Variants in PHC3 observed in about 807,000 individuals in gnomAD.
PHC3 encodes polyhomeotic-like protein 3.
Under a neutral mutation model 107.4 loss-of-function variants are expected in PHC3, and 13 were observed. The ratio of observed to expected loss-of-function variants is 0.12; its 90% CI spans 0.08 to 0.19. The LOEUF (loss-of-function observed/expected upper bound fraction) is 0.19. Ranked by LOEUF, PHC3 falls within the 10% of genes least tolerant of loss-of-function variation. The probability of loss-of-function intolerance (pLI) is 1.00; values close to 1 mark genes in which losing one functional copy is unlikely to be tolerated. For synonymous variants in PHC3, 456 were observed against 427.4 expected (o/e 1.07, Z -0.83); for missense variants, 992 against 1,210.9 (o/e 0.82, Z 2.68).
At chr3:170,100,158 A>C (rs937551566) in intron 14 of PHC3, among the ~76,000 whole-genome samples, 1 of 152,186 alleles carries the variant, frequency 6.6e-6, no homozygotes, top group Admixed American at 6.5e-5. Flanking sequence ...GTAAATATAA[A>C]TGCCCTGGTT....
intron 11 of PHC3, among the ~76,000 whole-genome samples, chr3:170,112,972 A>G (rs531318805): frequency 2.0e-5 from 3 of 152,266 alleles, no homozygotes; most frequent in Admixed American, 6.5e-5. Context: ...GTCTGAAACG[A>G]AACAACCCAG....
chr3:170,136,316 T>C (rs773534198), intron 7 of PHC3, 103 bp downstream of exon 7: 5 of 1,365,438 alleles, frequency 3.7e-6, no homozygotes, highest in Non-Finnish European at 5.0e-6. Flanking sequence ...TTTAAAATGT[T>C]TTAAAGGTGT....
At chr3:170,159,022 C>T (rs566913558) in intron 4 of PHC3, among the ~76,000 whole-genome samples, 4 of 151,784 alleles carry the variant, frequency 2.6e-5, no homozygotes, top group Admixed American at 6.6e-5. Context: ...GAGGCCAAGG[C>T]GGGCAGATCA....
chr3:170,136,602 G>A lies in PHC3; in HGVS notation c.736C>T (p.Pro246Ser). The A allele has an allele frequency of 6.2e-7, 1 of 1,613,650 alleles. No individual in the cohort carries two copies. Among genetic ancestry groups the A allele is most frequent in the Non-Finnish European group, 8.5e-7 (1 of 1,179,768 alleles). Reference protein sequence around the residue: ...GVLSSSQNGPPKSTSQTQSLT... With the variant: ...GVLSSSQNGPSKSTSQTQSLT... Reference sequence around the variant, plus strand: ...GACTGAGTTTGACTAGTGCTTTTTGGTGGACCATTCTGTGAGCTAGATAAT... The same window carrying A: ...GACTGAGTTTGACTAGTGCTTTTTGATGGACCATTCTGTGAGCTAGATAAT... The change falls in exon 7 of 15, where the codon CCA becomes TCA. Residue 246 changes from proline to serine, a missense_variant. This residue lies in a region of PHC3 where 543 missense variants were observed against 590.8 expected (regional missense o/e 0.92). Transcript: ENST00000495893.
chr3:170,138,495 G>A (rs1201032771), intron 6 of PHC3, among the ~76,000 whole-genome samples: 1 of 152,024 alleles, frequency 6.6e-6, no homozygotes, highest in South Asian at 2.1e-4. Context: ...TTTGAGAGCA[G>A]CCTGGCCTAT....
At chr3:170,114,296 A>C (rs989919048) in intron 10 of PHC3, among the ~76,000 whole-genome samples, 1 of 152,226 alleles carries the variant, frequency 6.6e-6, no homozygotes, top group African/African-American at 2.4e-5. Context: ...GGCGTGAGCC[A>C]CTGCGCCCGG....
intron 6 of PHC3, among the ~76,000 whole-genome samples, chr3:170,140,293 A>T (rs1370916720): frequency 6.6e-6 from 1 of 151,304 alleles, no homozygotes; most frequent in African/African-American, 2.4e-5. Context: ...ACAGAGTCTC[A>T]CTCAGGCTAG....
At chr3:170,169,134 A>G (rs569635254) in intron 4 of PHC3, among the ~76,000 whole-genome samples, 1 of 152,264 alleles carries the variant, frequency 6.6e-6, no homozygotes, top group Admixed American at 6.5e-5. Context: ...GTAGGTACAC[A>G]GTTCCCCCAG....
rs1714718816 is a variant in PHC3 at position 170,097,050 on chromosome 3, T to C, written c.*180A>G. 1 of 497,448 alleles carries C rather than the reference T, an allele frequency of 2.0e-6. No homozygotes were observed. Among genetic ancestry groups the C allele is most frequent in the Non-Finnish European group, 3.4e-6 (1 of 294,970 alleles). The allele number at this position is 497,448 out of a possible 1,614,324, so 30.8% of individuals were successfully genotyped here. ...TAATTTTACCAATGTTTATTAATTA[T>C]GAAAATGCATGATGAATTATTATAC... is the stretch of plus-strand genomic sequence containing the variant. On this transcript the variant is annotated 3_prime_UTR_variant, in exon 15 of 15. Coordinates refer to ENST00000495893, the MANE Select transcript of PHC3 (RefSeq NM_024947.4). This position sits in a 1 kb window ranked among gnomAD's most constrained non-coding sequence, Gnocchi z 4.1.
Position 170,092,260 on chromosome 3 carries a change from A to C in PHC3, c.*4970T>G, listed in dbSNP as rs1714181859. 1 of 152,274 alleles carries C rather than the reference A, an allele frequency of 6.6e-6. No individual in the cohort carries two copies. Among genetic ancestry groups the C allele is most frequent in the Admixed American group, 6.5e-5 (1 of 15,278 alleles). The allele number at this position is 152,274 out of a possible 1,614,324, so 9.4% of individuals were successfully genotyped here. A position where few individuals can be genotyped will look rare whatever the true frequency, so the allele number is the denominator to read the frequency against. On this transcript the variant is annotated 3_prime_UTR_variant, in exon 15 of 15. Coordinates refer to ENST00000495893, the MANE Select transcript of PHC3 (RefSeq NM_024947.4). ...GGTGATCTACCCACCTCAGCCTCCCAAAGTGCTGGGATTACAGGTGTGAGC... is the reference window on the plus strand; with the variant it reads ...GGTGATCTACCCACCTCAGCCTCCCCAAGTGCTGGGATTACAGGTGTGAGC...
At chr3:170,143,271 G>C (rs1478821597) in intron 6 of PHC3, among the ~76,000 whole-genome samples, 3 of 151,950 alleles carry the variant, frequency 2.0e-5, no homozygotes, top group Admixed American at 2.0e-4. Flanking sequence ...AAAGTTTAGA[G>C]CTGAAAAATC....
At chr3:170,165,481 A>T (rs566863744) in intron 4 of PHC3, among the ~76,000 whole-genome samples, 1 of 152,206 alleles carries the variant, frequency 6.6e-6, no homozygotes, top group East Asian at 1.9e-4. Context: ...GGCTGGGCAC[A>T]GTGGCTCATG....
intron 4 of PHC3, among the ~76,000 whole-genome samples, chr3:170,155,808 A>G (rs541666441): frequency 6.6e-6 from 1 of 152,306 alleles, no homozygotes; most frequent in South Asian, 2.1e-4. Flanking sequence ...GACTCAATAT[A>G]GAAACACACA....
At chr3:170,099,635 A>G (rs1490440312) in intron 14 of PHC3, among the ~76,000 whole-genome samples, 1 of 152,142 alleles carries the variant, frequency 6.6e-6, no homozygotes, top group African/African-American at 2.4e-5. Context: ...AGCACAGGCA[A>G]GGACCTCTGC....
chr3:170,100,944 G>A (rs533381966), intron 14 of PHC3, among the ~76,000 whole-genome samples: 11 of 152,236 alleles, frequency 7.2e-5, no homozygotes, highest in Admixed American at 5.9e-4. Flanking sequence ...GCCCTACCTG[G>A]AAGAGTGACA....
chr3:170,135,293 G>A (rs1164167355), intron 7 of PHC3, among the ~76,000 whole-genome samples: 1 of 152,066 alleles, frequency 6.6e-6, no homozygotes. Context: ...TGGGACTACA[G>A]GTGTGCACCA....
At chr3:170,127,901 T>C (rs538402292) in intron 8 of PHC3, among the ~76,000 whole-genome samples, 13 of 152,334 alleles carry the variant, frequency 8.5e-5, no homozygotes, top group African/African-American at 3.1e-4. Context: ...CAATTGTTTT[T>C]AGAGGTTTAT....
intron 10 of PHC3, among the ~76,000 whole-genome samples, 191 bp from the exon 11 acceptor site, chr3:170,113,710 G>T (rs1294408092): frequency 6.6e-6 from 1 of 152,138 alleles, no homozygotes; most frequent in Non-Finnish European, 1.5e-5. Flanking sequence ...TTTATTTCTG[G>T]TCACCAGCAG....
chr3:170,103,458 A>C lies in PHC3; in HGVS notation c.2469-524T>G, dbSNP rs561200031. ...ATGAAAATGTAAAGTGGAGATTTTAAAGTTACACAAGGAATTCATTGCTCT... is the reference window on the plus strand; with the variant it reads ...ATGAAAATGTAAAGTGGAGATTTTACAGTTACACAAGGAATTCATTGCTCT... On this transcript the variant is annotated intron_variant, in intron 12 of 14. Transcript: ENST00000495893. 4.6e-4 allele frequency among the ~76,000 whole-genome samples: 70 copies of C among 152,352 alleles called. No individual in the cohort carries two copies. The South Asian group carries it at 0.011, about 24-fold the overall frequency.
Sources: gnomAD v4.1 joint callset for allele counts (sites outside exome capture counted in the v4.1 genomes callset) on GRCh38, gnomAD v4.1.1 for gene constraint, gnomAD v4.1.1 regional missense constraint, Gnocchi (gnomAD v3.1) non-coding constraint, MANE v1.5 for transcripts, NCBI Gene and HGNC (gene_info 2026-07-23, HGNC 2026-07-21) for gene names.